The following NME9 variants were observed in gnomAD, a reference collection of about 807,000 sequenced individuals.
NME9 encodes thioredoxin domain-containing protein 6.
Under a neutral mutation model 44.4 loss-of-function variants are expected in NME9, and 48 were observed. The ratio of observed to expected loss-of-function variants is 1.08; its 90% CI spans 0.86 to 1.37. The LOEUF is 1.37. Ranked by LOEUF, NME9 falls within the 40% of genes most tolerant of loss-of-function variation. NME9 has a pLI of 0.00. For synonymous variants in NME9, 139 were observed against 147.1 expected, an observed-to-expected ratio of 0.94 and a Z score of 0.40; for missense variants, 325 against 405.2, an observed-to-expected ratio of 0.80 and a Z score of 1.70.
At chr3:138,262,499 C>T in exon 9 of NME9, 1 of 1,586,014 alleles carries the variant, frequency 6.3e-7, no homozygotes, top group Non-Finnish European at 8.5e-7. Flanking sequence ...AGGTTTTCCA[C>T]TCTCTCATGT....
In NME9 at chr3:138,329,495, G is replaced by A. The variant is rs938489963; in HGVS notation, c.-160C>T. The stretch of plus-strand genomic sequence containing the variant: ...CTTTTTAAGGTGCTTCTAACTGGCG[G>A]CAAATCAGCACACTGATACAAAGTG... On this transcript the variant is annotated 5_prime_UTR_variant, in exon 1 of 11. Coordinates refer to ENST00000333911, the MANE Select transcript of NME9 (RefSeq NM_001349018.2). The A allele has an allele frequency of 2.1e-6, 3 of 1,447,326 alleles. No homozygotes were observed. Among genetic ancestry groups the A allele is most frequent in the East Asian group, 2.6e-5 (1 of 38,936 alleles). The allele number at this position is 1,447,326 out of a possible 1,614,324, so 89.7% of individuals were successfully genotyped here. A position where few individuals can be genotyped will look rare whatever the true frequency, so the allele number is the denominator to read the frequency against.
intron 2 of NME9, chr3:138,324,656 C>T: frequency 3.1e-6 from 2 of 645,726 alleles, no homozygotes; most frequent in Admixed American, 2.1e-5. Context: ...AGTACTGACT[C>T]ATTTCCTGAA....
rs1300195498 is a variant in NME9 at position 138,263,417 on chromosome 3, T to G, written c.746-831A>C. On this transcript the variant is annotated intron_variant, in intron 8 of 8. Coordinates refer to the NME9 transcript ENST00000317876. ...AACCTGCCCAATGAGAGTTCATTTATTTCTTTTCCTTTTTCTCAAGATTAT... is the reference window on the plus strand; with the variant it reads ...AACCTGCCCAATGAGAGTTCATTTAGTTCTTTTCCTTTTTCTCAAGATTAT... 3.0e-5 allele frequency: 8 copies of G among 269,626 alleles called. No homozygotes were observed. The East Asian group carries it at 6.7e-4, about 22-fold the overall frequency. The allele number at this position is 269,626 out of a possible 1,614,324, so 16.7% of individuals were successfully genotyped here.
chr3:138,313,390 TCAAAACAAAA>T (rs1265898110), intron 6 of NME9, among the ~76,000 whole-genome samples: 1 of 151,906 alleles, frequency 6.6e-6, no homozygotes, highest in African/African-American at 2.4e-5. Context: ...AGACTCTGTC[TCAAAACAAAA>T]CAAAGCAAAA....
chr3:138,325,628 G>C (rs1056182215), intron 1 of NME9, among the ~76,000 whole-genome samples: 1 of 151,830 alleles, frequency 6.6e-6, no homozygotes, highest in Non-Finnish European at 1.5e-5. Context: ...GGCTGGTCTC[G>C]AACTCCTGAC....
chr3:138,265,073 A>AT (rs1453592882), intron 8 of NME9, among the ~76,000 whole-genome samples: 1 of 151,032 alleles, frequency 6.6e-6, no homozygotes, highest in Non-Finnish European at 1.5e-5. Context: ...AATTTTTTTT[A>AT]TTTTTTTGAG....
In NME9 at chr3:138,284,500, A is replaced by G. The variant is rs1344099002; in HGVS notation, c.745+19007T>C. On this transcript the variant is annotated intron_variant, in intron 8 of 8. Transcript: ENST00000317876. ...AGATCTTATTATGACCAATGATGAT[A>G]TCCTACAGAAAATCAAGTATTACAT... 3 of 1,613,118 alleles carry G rather than the reference A, an allele frequency of 1.9e-6. No individual in the cohort carries two copies. Among genetic ancestry groups the G allele is most frequent in the Non-Finnish European group, 2.5e-6 (3 of 1,179,180 alleles).
chr3:138,302,523 C>G (rs1178249225), intron 10 of NME9, among the ~76,000 whole-genome samples: 1 of 152,178 alleles, frequency 6.6e-6, no homozygotes, highest in Non-Finnish European at 1.5e-5. Context: ...GAAAGCTGGC[C>G]TGGAGTGTCA....
At chr3:138,277,283 A>G (rs1009221238) in intron 8 of NME9, among the ~76,000 whole-genome samples, 1 of 152,212 alleles carries the variant, frequency 6.6e-6, no homozygotes, top group Non-Finnish European at 1.5e-5. Context: ...CATAACATAA[A>G]AGGTAAAACT....
At chr3:138,295,795 C>T (rs1047019364) in intron 8 of NME9, 210 of 1,567,612 alleles carry the variant, frequency 1.3e-4, no homozygotes, top group Non-Finnish European at 1.8e-4. Context: ...ATCATTGAAC[C>T]ATAGGGTTTT....
chr3:138,283,303 G>T (rs1217049623), intron 8 of NME9, among the ~76,000 whole-genome samples: 1 of 152,186 alleles, frequency 6.6e-6, no homozygotes, highest in Non-Finnish European at 1.5e-5. Flanking sequence ...GTCTTGCAAA[G>T]AAAAAGTTTA....
intron 8 of NME9, chr3:138,290,726 T>C: frequency 1.2e-6 from 1 of 829,908 alleles, no homozygotes; most frequent in Non-Finnish European, 1.9e-6. Flanking sequence ...TTAATGGCCA[T>C]ACTTTTTAAA....
chr3:138,313,756 G>C (rs2052867848), intron 6 of NME9, among the ~76,000 whole-genome samples: 2 of 152,144 alleles, frequency 1.3e-5, no homozygotes, highest in South Asian at 4.1e-4. Context: ...GTCATTTGTG[G>C]CAACATGGAT....
chr3:138,263,950 G>T (rs2048002639), intron 8 of NME9: 5 of 1,020,704 alleles, frequency 4.9e-6, no homozygotes, highest in Non-Finnish European at 3.1e-6. Flanking sequence ...AATTCATAGA[G>T]TATATAACAT....
chr3:138,269,789 A>C (rs1242133864), intron 8 of NME9, among the ~76,000 whole-genome samples: 1 of 151,724 alleles, frequency 6.6e-6, no homozygotes, highest in African/African-American at 2.4e-5. Flanking sequence ...GATAAAAGGA[A>C]ATGACAGAGT....
chr3:138,306,163 T>G, intron 7 of NME9, 67 bp from the exon 8 acceptor site: 1 of 1,184,374 alleles, frequency 8.4e-7, no homozygotes, highest in Non-Finnish European at 1.3e-6. Context: ...TTAATTAATT[T>G]AGTTGAAAGG....
At chr3:138,298,059 AATGTATTTATTG>A (rs948988964), downstream of NME9, 1 of 152,244 alleles carries the variant, frequency 6.6e-6, no homozygotes, top group African/African-American at 2.4e-5. Flanking sequence ...AATGAAGGGA[AATGTATTTATTG>A]AAACAAAGCT....
At chr3:138,281,936 C>T (rs1196833492) in intron 8 of NME9, among the ~76,000 whole-genome samples, 1 of 152,112 alleles carries the variant, frequency 6.6e-6, no homozygotes, top group Non-Finnish European at 1.5e-5. Context: ...GGATCATTTC[C>T]ATTACTTCCT....
In NME9 at chr3:138,305,985, TG is replaced by T; in HGVS notation, c.636+18del. 2 of 1,501,810 alleles carry T rather than the reference TG, an allele frequency of 1.3e-6. No homozygotes were observed. The highest frequency in any genetic ancestry group is 1.4e-5 in the African/African-American group (1 of 72,866). 93.0% of individuals were successfully genotyped at this position (1,501,810 alleles called of 1,614,324 possible). On this transcript the variant is annotated intron_variant, in intron 8 of 10. Transcript: ENST00000333911. ...GAGAAACGACAGTGTGTTGAACTTG[TG>T]GAAGTAGATGAGCTGACCTCTCCAG...
Sources: allele counts gnomAD v4.1 joint callset (sites outside exome capture counted in the v4.1 genomes callset), GRCh38; gene constraint gnomAD v4.1.1; transcripts MANE v1.5; gene names NCBI Gene and HGNC (gene_info 2026-07-23, HGNC 2026-07-21).